PLEKHM3: variants seen among roughly 807,000 people sequenced by gnomAD.
PLEKHM3 encodes the protein pleckstrin homology domain containing M3.
In PLEKHM3, 45 loss-of-function variants were observed where a neutral mutation model predicts 81.8. The ratio of observed to expected loss-of-function variants is 0.55; its 90% CI spans 0.43 to 0.71. The LOEUF (loss-of-function observed/expected upper bound fraction) is 0.71, where lower values mean the gene tolerates loss of function less well. PLEKHM3 is among the 30% of genes least tolerant of loss of function. The probability of loss-of-function intolerance (pLI) is 0.00; values close to 1 mark genes in which losing one functional copy is unlikely to be tolerated. For synonymous variants in PLEKHM3, 352 were observed against 356.4 expected (o/e 0.99, Z 0.14); for missense variants, 788 against 924.3 (o/e 0.85, Z 1.91).
chr2:208,001,750 G>A lies in PLEKHM3; in HGVS notation c.-111C>T, dbSNP rs1287974019. ...AGCAATAGAGCTATGGAAACAACTG[G>A]AAGAAACCTTCATTGGGCTCCCTGG... On this transcript the variant is annotated 5_prime_UTR_variant, in exon 2 of 8. Transcript: ENST00000427836. 5.4e-6 allele frequency: 8 copies of A among 1,491,934 alleles called. No individual in the cohort carries two copies. The highest frequency in any genetic ancestry group is 6.2e-6 in the Non-Finnish European group (7 of 1,125,062). 92.4% of individuals were successfully genotyped at this position (1,491,934 alleles called of 1,614,324 possible).
chr2:207,835,133 C>T (rs751215617), intron 7 of PLEKHM3, among the ~76,000 whole-genome samples: 6 of 151,792 alleles, frequency 4.0e-5, no homozygotes, highest in Admixed American at 1.3e-4. Context: ...TTAGTAGAGA[C>T]GGGGTTTCAC....
intron 2 of PLEKHM3, among the ~76,000 whole-genome samples, chr2:207,983,246 T>C (rs1209434632): frequency 6.6e-6 from 1 of 151,652 alleles, no homozygotes; most frequent in African/African-American, 2.4e-5. Context: ...ACAGACGGGG[T>C]TTCGCCATGT....
chr2:208,016,261 G>A (rs1173590635), intron 1 of PLEKHM3, among the ~76,000 whole-genome samples: 2 of 152,066 alleles, frequency 1.3e-5, no homozygotes, highest in South Asian at 4.2e-4. Context: ...CTTTTGTTGG[G>A]GGGACGGGCA....
At chr2:207,949,175 G>A (rs1407734855) in intron 3 of PLEKHM3, among the ~76,000 whole-genome samples, 1 of 152,182 alleles carries the variant, frequency 6.6e-6, no homozygotes, top group Non-Finnish European at 1.5e-5. Context: ...ACCTGCTTCT[G>A]AAAACAGCCT....
At chr2:207,848,545 C>T (rs959380408) in intron 7 of PLEKHM3, among the ~76,000 whole-genome samples, 2 of 152,216 alleles carry the variant, frequency 1.3e-5, no homozygotes, top group Admixed American at 6.5e-5. Context: ...GGCATCTCAG[C>T]ACCATCTATG....
chr2:208,005,502 T>C (rs1193467094), intron 1 of PLEKHM3, among the ~76,000 whole-genome samples: 1 of 152,176 alleles, frequency 6.6e-6, no homozygotes. Context: ...GATGTTTTTC[T>C]CATTATTAAA....
chr2:207,896,492 G>A (rs1007329394), intron 6 of PLEKHM3, among the ~76,000 whole-genome samples: 1 of 152,146 alleles, frequency 6.6e-6, no homozygotes, highest in Admixed American at 6.5e-5. Flanking sequence ...GAAATGATAG[G>A]GATTGGAATA....
In PLEKHM3 at chr2:207,977,319, G is replaced by C; in HGVS notation, c.878C>G (p.Pro293Arg). The C allele has an allele frequency of 1.2e-6, 2 of 1,614,142 alleles. No homozygotes were observed. The highest frequency in any genetic ancestry group is 1.7e-6 in the Non-Finnish European group (2 of 1,180,034). The stretch of plus-strand genomic sequence containing the variant: ...CTGTCCCCAGTCCAAAGCCTCCCAT[G>C]GTGACTCTGCCTTTAGCTGTAGCTG... Reference protein sequence around the residue: ...NTQLQLKAESPWEALDWGQKL... With the variant: ...NTQLQLKAESRWEALDWGQKL... The change falls in exon 3 of 8, where the codon CCA becomes CGA. Residue 293 changes from proline to arginine, a missense_variant. Coordinates refer to ENST00000427836, the MANE Select transcript of PLEKHM3 (RefSeq NM_001080475.3).
intron 5 of PLEKHM3, among the ~76,000 whole-genome samples, chr2:207,926,774 T>C (rs866931996): frequency 3.3e-5 from 5 of 152,152 alleles, no homozygotes; most frequent in Non-Finnish European, 7.3e-5. Flanking sequence ...GAACAAGGCG[T>C]TCATTTAACA....
intron 5 of PLEKHM3, chr2:207,929,769 A>T: frequency 1.9e-6 from 1 of 537,208 alleles, no homozygotes; most frequent in Non-Finnish European, 3.3e-6. Flanking sequence ...GATATTATAT[A>T]TCCTTTACTA....
intron 7 of PLEKHM3, among the ~76,000 whole-genome samples, chr2:207,856,157 AAT>A (rs2092436352): frequency 1.3e-5 from 2 of 152,188 alleles, no homozygotes; most frequent in Admixed American, 6.5e-5. Flanking sequence ...TTTTATTAAT[AAT>A]AGACTATTTT....
At chr2:208,014,787 G>C (rs1048708308) in intron 1 of PLEKHM3, among the ~76,000 whole-genome samples, 10 of 152,170 alleles carry the variant, frequency 6.6e-5, no homozygotes, top group African/African-American at 2.2e-4. Flanking sequence ...GAACATTCTG[G>C]AGTTGAATTC....
intron 3 of PLEKHM3, among the ~76,000 whole-genome samples, chr2:207,969,933 G>A (rs1691053619): frequency 6.6e-6 from 1 of 152,162 alleles, no homozygotes; most frequent in Non-Finnish European, 1.5e-5. Context: ...GCAAAGGCTA[G>A]TTTCAGACAT....
intron 5 of PLEKHM3, among the ~76,000 whole-genome samples, chr2:207,910,310 T>C (rs919097580): frequency 1.3e-5 from 2 of 152,210 alleles, no homozygotes; most frequent in Non-Finnish European, 2.9e-5. Context: ...CCATGGTCCC[T>C]GGAGGGACCA....
rs1396587697 is a variant in PLEKHM3, at chr2:208,001,435, C to G, written c.205G>C (p.Gly69Arg). 3 of 1,614,036 alleles carry G rather than the reference C, an allele frequency of 1.9e-6. No homozygotes were observed. Among genetic ancestry groups the G allele is most frequent in the East Asian group, 4.5e-5 (2 of 44,904 alleles). Residue 69 changes from glycine (G) to arginine (R), a missense_variant, in exon 2 of 8, where the codon GGG (glycine) becomes CGG (arginine). Gly to Arg is a moderately radical substitution (Grantham distance 125, BLOSUM62 -2). Transcript: ENST00000427836. ...AMRNVTSLGKGGMIWDHCKSR... is the reference protein window; with the variant it reads ...AMRNVTSLGKRGMIWDHCKSR... ...TTACAGTGGTCCCAAATCATGCCCC[C>G]CTTGCCCAGGGAGGTGACATTTCTC... is the stretch of plus-strand genomic sequence containing the variant.
At chr2:207,951,603 T>C (rs1194125547) in intron 3 of PLEKHM3, among the ~76,000 whole-genome samples, 1 of 152,218 alleles carries the variant, frequency 6.6e-6, no homozygotes, top group Admixed American at 6.5e-5. Flanking sequence ...GCCTCCCCTC[T>C]GATACACTCT....
chr2:207,984,987 T>C (rs532447407), intron 2 of PLEKHM3, among the ~76,000 whole-genome samples: 1 of 152,296 alleles, frequency 6.6e-6, no homozygotes, highest in East Asian at 1.9e-4. Context: ...GTTTTGTTTC[T>C]GTTTTGTTTT....
chr2:207,865,801 A>AATATATATATATATATATAT, intron 6 of PLEKHM3, among the ~76,000 whole-genome samples: 1 of 25,300 alleles, frequency 4.0e-5, no homozygotes, highest in African/African-American at 2.1e-4. Flanking sequence ...AAAAAAAAAA[A>AATATATATATATATATATAT]AGATATATAT....
At chr2:208,023,552 G>A (rs1190848510) in intron 1 of PLEKHM3, among the ~76,000 whole-genome samples, 1 of 152,096 alleles carries the variant, frequency 6.6e-6, no homozygotes, top group Non-Finnish European at 1.5e-5. Flanking sequence ...CTGTCAGATC[G>A]GCAGCAGCAT....
Sources: gnomAD v4.1 joint callset for allele counts (sites outside exome capture counted in the v4.1 genomes callset) on GRCh38, gnomAD v4.1.1 for gene constraint, MANE v1.5 for transcripts, NCBI Gene and HGNC (gene_info 2026-07-23, HGNC 2026-07-21) for gene names.